The following OR9K2 variants were observed in gnomAD, a reference collection of about 807,000 sequenced individuals.
OR9K2 encodes olfactory receptor family 9 subfamily K member 2.
In OR9K2, 16 loss-of-function variants were observed where a neutral mutation model predicts 12.4. The ratio of observed to expected loss-of-function variants is 1.29; its 90% CI spans 0.87 to 1.95. The LOEUF (loss-of-function observed/expected upper bound fraction) is 1.95, where lower values mean the gene tolerates loss of function less well. OR9K2 is among the 30% of genes most tolerant of loss of function. The pLI, the probability that OR9K2 is intolerant of heterozygous loss-of-function variation, is 0.00. For missense variants in OR9K2, 434 were observed against 376.5 expected, an observed-to-expected ratio of 1.15 and a Z score of -1.26; for synonymous variants, 133 against 133.2, an observed-to-expected ratio of 1.00 and a Z score of 0.01.
At position 55,127,955 on chromosome 12, in the gene OR9K2, G is replaced by T. The variant is rs11171306; in HGVS notation, c.-10+1044G>T. On this transcript the variant is annotated intron_variant, in intron 2 of 2. Coordinates refer to ENST00000641329, the MANE Select transcript of OR9K2 (RefSeq NM_001005243.2). ...CATAGAGAGAGAGCATAAGTAACTT[G>T]TCCAAGATCCCATTTAGAAAGTGAG... Among the ~76,000 whole-genome samples, 57 of 152,036 alleles carry T rather than the reference G, an allele frequency of 3.7e-4. No homozygotes were observed. The East Asian group carries it at 9.9e-3, about 26-fold the overall frequency.
In OR9K2 at chr12:55,130,193, C is replaced by A. The variant is rs1430999777; in HGVS notation, c.359C>A (p.Ala120Asp). Residue 120 changes from alanine to aspartate, a missense_variant, in exon 3 of 3, where the codon GCC becomes GAC. Coordinates refer to ENST00000641329, the MANE Select transcript of OR9K2 (RefSeq NM_001005243.2). ...GTGACTGAGGGATTTCTCCTGGCGG[C>A]CATGGCTTATGACCGCTTTATTGCC... ...LIVTEGFLLA[A>D]MAYDRFIAIC... 1 of 1,614,076 alleles carries A rather than the reference C, an allele frequency of 6.2e-7. No individual in the cohort carries two copies. The highest frequency in any genetic ancestry group is 1.1e-5 in the South Asian group (1 of 91,082).
rs192393134 is a variant in OR9K2, at chr12:55,130,775, G to C, written c.941G>C (p.Ter314SerextTer54). ...KFLEKKNIIL[*>S] ...CTAGAGAAGAAAAATATTATTCTTT[G>C]ATTATTATTTCTCTTTCACCAATTT... is the stretch of plus-strand genomic sequence containing the variant. Residue 314 changes from the stop codon to serine (S), a stop_lost, in exon 3 of 3, where the codon TGA (stop) becomes TCA (serine). Transcript: ENST00000641329. 19 of 1,491,558 alleles carry C rather than the reference G, an allele frequency of 1.3e-5. No homozygotes were observed. The Admixed American group carries it at 2.1e-4, about 17-fold the overall frequency. 92.4% of individuals were successfully genotyped at this position (1,491,558 alleles called of 1,614,324 possible).
intron 2 of OR9K2, among the ~76,000 whole-genome samples, chr12:55,127,774 G>C (rs1953439161): frequency 6.6e-6 from 1 of 152,030 alleles, no homozygotes; most frequent in South Asian, 2.1e-4. Context: ...TAGTGGGACT[G>C]AGCACTGAAA....
Position 55,130,657 on chromosome 12 carries a change from G to A in OR9K2, c.823G>A (p.Ala275Thr), listed in dbSNP as rs140887553. 2 of 1,613,160 alleles carry A rather than the reference G, an allele frequency of 1.2e-6. No homozygotes were observed. The highest frequency in any genetic ancestry group is 2.2e-5 in the East Asian group (1 of 44,870). The stretch of plus-strand genomic sequence containing the variant: ...CAGATTTCCTGAGCTGAGTAAAGTG[G>A]CATCCTTATGTTACTCCCTAGTCAC... ...PDRFPELSKV[A>T]SLCYSLVTPM... The change falls in exon 3 of 3, where the codon GCA (alanine) becomes ACA (threonine). Residue 275 changes from alanine (A) to threonine (T), a missense_variant. Ala to Thr is a moderately conservative substitution (Grantham distance 58, BLOSUM62 0). Coordinates refer to ENST00000641329, the MANE Select transcript of OR9K2 (RefSeq NM_001005243.2).
At chr12:55,127,097 T>C (rs902185098) in intron 2 of OR9K2, among the ~76,000 whole-genome samples, 186 bp downstream of exon 2, 2 of 152,022 alleles carry the variant, frequency 1.3e-5, no homozygotes, top group African/African-American at 4.8e-5. Context: ...ATAAGTTTGT[T>C]TTTTTATATT....
rs1380542887 is a variant in OR9K2, at chr12:55,130,557, C to T, written c.723C>T (p.Phe241=). ...CTACTGAGGGACATAAGAAGGCCTT[C>T]TCCACCTGCAGCTCTCACCTGGGAG... ...IHSTEGHKKA[F]STCSSHLGVV... is the part of the protein sequence containing the mutation. Residue 241 remains phenylalanine, a synonymous_variant, in exon 3 of 3, where the codon TTC becomes TTT. Transcript: ENST00000641329. 1 of 1,613,850 alleles carries T rather than the reference C, an allele frequency of 6.2e-7. No individual in the cohort carries two copies. Among genetic ancestry groups the T allele is most frequent in the Non-Finnish European group, 8.5e-7 (1 of 1,179,762 alleles).
Position 55,130,233 on chromosome 12 carries a change from G to T in OR9K2, c.399G>T (p.Leu133=), listed in dbSNP as rs1953461812. 2 of 1,613,938 alleles carry T rather than the reference G, an allele frequency of 1.2e-6. No individual in the cohort carries two copies. Among genetic ancestry groups the T allele is most frequent in the African/African-American group, 2.7e-5 (2 of 74,912 alleles). The change falls in exon 3 of 3, where the codon CTG becomes CTT. Residue 133 remains leucine (L), a synonymous_variant. Coordinates refer to ENST00000641329, the MANE Select transcript of OR9K2 (RefSeq NM_001005243.2). ...YDRFIAICNP[L]LYSVQMSTRL... ...GCTTTATTGCCATCTGCAACCCTCTGCTCTACTCTGTTCAAATGTCCACAC... is the reference window on the plus strand; with the variant it reads ...GCTTTATTGCCATCTGCAACCCTCTTCTCTACTCTGTTCAAATGTCCACAC...
intron 2 of OR9K2, among the ~76,000 whole-genome samples, chr12:55,128,737 TA>T (rs1293530891): frequency 1.3e-5 from 2 of 152,190 alleles, no homozygotes; most frequent in South Asian, 4.1e-4. Flanking sequence ...CATACGAAGT[TA>T]AAAAATCTAT....
In OR9K2 at chr12:55,132,191, C is replaced by T. The variant is rs774004407; in HGVS notation, c.*1415C>T. ...CAGGAAAAATGCAAGGATGCCTTCT[C>T]TCACCACACCTTTTCAATATTTTAA... On this transcript the variant is annotated 3_prime_UTR_variant, in exon 3 of 3. Coordinates refer to ENST00000641329, the MANE Select transcript of OR9K2 (RefSeq NM_001005243.2). 2.2e-4 allele frequency: 33 copies of T among 152,168 alleles called. No individual in the cohort carries two copies. Among genetic ancestry groups the T allele is most frequent in the South Asian group, 4.1e-4 (2 of 4,834 alleles). 9.4% of individuals were successfully genotyped at this position (152,168 alleles called of 1,614,324 possible).
intron 2 of OR9K2, among the ~76,000 whole-genome samples, chr12:55,128,518 T>C (rs1259872959): frequency 6.6e-6 from 1 of 152,054 alleles, no homozygotes; most frequent in Admixed American, 6.6e-5. Flanking sequence ...CATTTCTCTG[T>C]ACCTCAATTT....
rs1953475855 is a variant in OR9K2 at position 55,131,888 on chromosome 12, A to T, written c.*1112A>T. 1 of 152,216 alleles carries T rather than the reference A, an allele frequency of 6.6e-6. No individual in the cohort carries two copies. Among genetic ancestry groups the T allele is most frequent in the Admixed American group, 6.5e-5 (1 of 15,276 alleles). The allele number at this position is 152,216 out of a possible 1,614,324, so 9.4% of individuals were successfully genotyped here. A position where few individuals can be genotyped will look rare whatever the true frequency, so the allele number is the denominator to read the frequency against. The stretch of plus-strand genomic sequence containing the variant: ...ATAATATTGATGTGGGCTCAATGGT[A>T]TGTCGATATTAATGAACAAAGGCAG... On this transcript the variant is annotated 3_prime_UTR_variant, in exon 3 of 3. Coordinates refer to ENST00000641329, the MANE Select transcript of OR9K2 (RefSeq NM_001005243.2).
intron 2 of OR9K2, 55 bp downstream of exon 2, chr12:55,126,966 CTTG>C (rs1231994437): frequency 1.3e-5 from 2 of 151,958 alleles, no homozygotes; most frequent in Admixed American, 6.6e-5. Flanking sequence ...AAACTGACTA[CTTG>C]TTGTTGGCTT....
intron 2 of OR9K2, among the ~76,000 whole-genome samples, chr12:55,128,680 T>C (rs1953445244): frequency 6.6e-6 from 1 of 152,156 alleles, no homozygotes; most frequent in Non-Finnish European, 1.5e-5. Flanking sequence ...GACAGAATCA[T>C]GCACATAAAG....
rs191296102 is a variant in OR9K2 at position 55,130,113 on chromosome 12, G to T, written c.279G>T (p.Lys93Asn). The T allele has an allele frequency of 9.9e-6, 16 of 1,613,516 alleles. No individual in the cohort carries two copies. The highest frequency in any genetic ancestry group is 5.0e-5 in the Admixed American group (3 of 59,994). Residue 93 changes from lysine (K) to asparagine (N), a missense_variant, in exon 3 of 3, where the codon AAG (lysine) becomes AAT (asparagine). By Grantham distance (94) the Lys-to-Asn change is moderately conservative. Transcript: ENST00000641329. ...TGATCAACTTCTGGTCTGAAAACAA[G>T]TCTATCTCCTTTGCAGGCTGTGTGG... Reference protein sequence around the residue: ...KAMINFWSENKSISFAGCVAQ... With the variant: ...KAMINFWSENNSISFAGCVAQ...
rs764650022 is a variant in OR9K2 at position 55,130,074 on chromosome 12, T to C, written c.240T>C (p.Ile80=). ...SFIDLFYSSV[I]EPKAMINFWS... ...TTGATCTTTTCTATTCATCTGTTAT[T>C]GAACCCAAGGCTATGATCAACTTCT... The change falls in exon 3 of 3, where the codon ATT becomes ATC. Residue 80 remains isoleucine, a synonymous_variant. Coordinates refer to ENST00000641329, the MANE Select transcript of OR9K2 (RefSeq NM_001005243.2). The C allele has an allele frequency of 1.9e-6, 3 of 1,612,776 alleles. No individual in the cohort carries two copies. The highest frequency in any genetic ancestry group is 2.5e-6 in the Non-Finnish European group (3 of 1,179,974).
At chr12:55,129,321 GTTT>G (rs368123875) in intron 2 of OR9K2, among the ~76,000 whole-genome samples, 1 of 147,464 alleles carries the variant, frequency 6.8e-6, no homozygotes, top group Admixed American at 6.8e-5. Flanking sequence ...TCTCAAGTAG[GTTT>G]TTTTTTTTAA....
chr12:55,130,843 AG>A lies in OR9K2; in HGVS notation c.*68del. On this transcript the variant is annotated 3_prime_UTR_variant, in exon 3 of 3. Coordinates refer to ENST00000641329, the MANE Select transcript of OR9K2 (RefSeq NM_001005243.2). ...TAATACACCTGTGTTCATTAATAAA[AG>A]TTACTCTCCCGAATGTCATAAAAAT... The A allele has an allele frequency of 1.1e-6, 1 of 881,336 alleles. No individual in the cohort carries two copies. Among genetic ancestry groups the A allele is most frequent in the Non-Finnish European group, 1.7e-6 (1 of 580,780 alleles). 54.6% of individuals were successfully genotyped at this position (881,336 alleles called of 1,614,324 possible).
rs1332985520 is a variant in OR9K2, at chr12:55,130,401, A to G, written c.567A>G (p.Arg189=). The G allele has an allele frequency of 1.9e-6, 3 of 1,613,886 alleles. No individual in the cohort carries two copies. The highest frequency in any genetic ancestry group is 2.5e-6 in the Non-Finnish European group (3 of 1,179,910). Residue 189 remains arginine (R), a synonymous_variant, in exon 3 of 3, where the codon AGA becomes AGG. Coordinates refer to ENST00000641329, the MANE Select transcript of OR9K2 (RefSeq NM_001005243.2). The part of the protein sequence containing the change: ...HFYCDSRPLQ[R]LSCSDLFIHR... ...ACTGTGATTCTCGCCCACTTCAGAG[A>G]CTGTCTTGTTCTGATCTCTTTATCC...
At position 55,132,047 on chromosome 12, in the gene OR9K2, A is replaced by G. The variant is rs1166185413; in HGVS notation, c.*1271A>G. 2 of 152,204 alleles carry G rather than the reference A, an allele frequency of 1.3e-5. No individual in the cohort carries two copies. The highest frequency in any genetic ancestry group is 4.8e-5 in the African/African-American group (2 of 41,460). 9.4% of individuals were successfully genotyped at this position (152,204 alleles called of 1,614,324 possible). ...GTCATGGTCTGAATAGATAAAAAGT[A>G]TAGGAGCTCTCAGAAAACCTGAAAT... On this transcript the variant is annotated 3_prime_UTR_variant, in exon 3 of 3. Transcript: ENST00000641329.
Sources: allele counts gnomAD v4.1 joint callset (sites outside exome capture counted in the v4.1 genomes callset), GRCh38; gene constraint gnomAD v4.1.1; transcripts MANE v1.5; gene names NCBI Gene and HGNC (gene_info 2026-07-23, HGNC 2026-07-21).